FRMPD4: variants seen among roughly 807,000 people sequenced by gnomAD.
FRMPD4 encodes the protein FERM and PDZ domain containing 4.
FRMPD4 carries 22 observed loss-of-function variants against 94.1 expected under a neutral mutation model. That is an observed-to-expected ratio of 0.23 (90% CI 0.17 to 0.33). FRMPD4 has a LOEUF of 0.33. Among genes scored for constraint, FRMPD4 ranks in the 10% least tolerant of loss-of-function variants. The pLI, the probability that FRMPD4 is intolerant of heterozygous loss-of-function variation, is 1.00. For synonymous variants in FRMPD4, 631 were observed against 548.6 expected, an observed-to-expected ratio of 1.15 and a Z score of -2.10; for missense variants, 1,111 against 1,339.9, an observed-to-expected ratio of 0.83 and a Z score of 2.67.
intron 3 of FRMPD4, among the ~76,000 whole-genome samples, chrX:11,888,401 A>C (rs2053857396): frequency 8.9e-6 from 1 of 112,332 alleles, no homozygotes; most frequent in Non-Finnish European, 1.9e-5. Context: ...TTGTGTCTTC[A>C]CAATTTACTA....
chrX:12,482,043 T>C (rs2057693337), intron 1 of FRMPD4, among the ~76,000 whole-genome samples: 1 of 100,776 alleles, frequency 9.9e-6, no homozygotes, highest in Non-Finnish European at 2.0e-5. Context: ...TGAATCATCA[T>C]AAAATTCTTC....
chrX:12,212,477 G>GC (rs1251945173), intron 1 of FRMPD4, among the ~76,000 whole-genome samples: 1 of 111,406 alleles, frequency 9.0e-6, no homozygotes, highest in Non-Finnish European at 1.9e-5. Flanking sequence ...GGATGGCAGA[G>GC]CAACAAGCTA....
chrX:12,051,766 A>T (rs2054820191), intron 3 of FRMPD4, among the ~76,000 whole-genome samples: 1 of 110,877 alleles, frequency 9.0e-6, no homozygotes, highest in Non-Finnish European at 1.9e-5. Flanking sequence ...CCATCTGTTT[A>T]TTCAACCAAT....
In FRMPD4 at chrX:12,677,204, A is replaced by G. The variant is rs774695751; in HGVS notation, c.468+2296A>G. Among the ~76,000 whole-genome samples, 7 of 110,920 alleles carry G rather than the reference A, an allele frequency of 6.3e-5. No homozygotes were observed. The East Asian group carries it at 2.0e-3, about 31-fold the overall frequency. On this transcript the variant is annotated intron_variant, in intron 5 of 16. Transcript: ENST00000675598. Reference sequence around the variant, plus strand: ...TCCTCTCCCCAAGTTGTGACAAACCAAAATGTCTCCAAACATTACCAAATG... The same window carrying G: ...TCCTCTCCCCAAGTTGTGACAAACCGAAATGTCTCCAAACATTACCAAATG...
intron 3 of FRMPD4, among the ~76,000 whole-genome samples, chrX:11,981,743 A>G (rs2054398497): frequency 9.0e-6 from 1 of 111,222 alleles, no homozygotes; most frequent in South Asian, 3.7e-4. Context: ...GGAATGATAT[A>G]TTTTGTCCCC....
intron 1 of FRMPD4, among the ~76,000 whole-genome samples, chrX:12,366,565 C>T (rs1457025122): frequency 8.9e-6 from 1 of 112,227 alleles, no homozygotes; most frequent in Non-Finnish European, 1.9e-5. Flanking sequence ...TAGCAATTTT[C>T]ATGCATTTAT....
At chrX:12,686,271 A>G in intron 7 of FRMPD4, 67 bp downstream of exon 7, 1 of 515,368 alleles carries the variant, frequency 1.9e-6, no homozygotes, top group South Asian at 3.3e-5. Flanking sequence ...ACTGTGAGCC[A>G]TTGTAGCAGC....
intron 1 of FRMPD4, among the ~76,000 whole-genome samples, chrX:12,447,513 G>A (rs1479119496): frequency 6.2e-5 from 7 of 112,092 alleles, no homozygotes; most frequent in Non-Finnish European, 1.3e-4. Flanking sequence ...TGAATTTCAT[G>A]TAAGAACAGG....
chrX:12,227,130 A>G (rs1362169196), intron 1 of FRMPD4, among the ~76,000 whole-genome samples: 1 of 111,590 alleles, frequency 9.0e-6, no homozygotes, highest in African/African-American at 3.3e-5. Flanking sequence ...CAAAAGGGAA[A>G]GCGAGTGGCT....
intron 1 of FRMPD4, among the ~76,000 whole-genome samples, chrX:12,344,543 T>C (rs905624748): frequency 1.8e-5 from 2 of 112,049 alleles, no homozygotes; most frequent in Non-Finnish European, 3.8e-5. Context: ...TTATTCACCA[T>C]CATTAGGAAG....
chrX:12,429,860 G>A (rs906507818), intron 1 of FRMPD4, among the ~76,000 whole-genome samples: 31 of 111,795 alleles, frequency 2.8e-4, no homozygotes, highest in South Asian at 3.8e-4. Flanking sequence ...TTATAAAAGA[G>A]GCTTCAGGGA....
intron 2 of FRMPD4, among the ~76,000 whole-genome samples, chrX:12,514,723 T>C (rs1431045298): frequency 8.9e-6 from 1 of 112,179 alleles, no homozygotes; most frequent in Non-Finnish European, 1.9e-5. Flanking sequence ...GATGCTGGCC[T>C]CATAAAATGA....
At chrX:12,062,699 A>G (rs893485890) in intron 3 of FRMPD4, among the ~76,000 whole-genome samples, 4 of 111,399 alleles carry the variant, frequency 3.6e-5, no homozygotes, top group African/African-American at 1.3e-4. Flanking sequence ...GCTGTTGTCA[A>G]AAACTCTTTT....
chrX:11,991,037 T>C (rs1395228954), intron 3 of FRMPD4, among the ~76,000 whole-genome samples: 1 of 112,248 alleles, frequency 8.9e-6, no homozygotes, highest in Non-Finnish European at 1.9e-5. Context: ...TTATCTGTAG[T>C]TCCTTGCCAT....
intron 3 of FRMPD4, among the ~76,000 whole-genome samples, chrX:12,041,529 T>A (rs1013922578): frequency 5.0e-5 from 5 of 100,999 alleles, no homozygotes; most frequent in African/African-American, 1.9e-4. Flanking sequence ...GCTGTTGTAT[T>A]GTTGTGCCCG....
intron 1 of FRMPD4, among the ~76,000 whole-genome samples, chrX:12,361,934 T>G (rs2055995077): frequency 8.9e-6 from 1 of 111,845 alleles, no homozygotes; most frequent in Non-Finnish European, 1.9e-5. Context: ...TTCTTCTTTT[T>G]GGCCTACTAT....
intron 3 of FRMPD4, among the ~76,000 whole-genome samples, chrX:11,898,498 A>G (rs1232454052): frequency 8.9e-6 from 1 of 111,821 alleles, no homozygotes. Context: ...AGCATCACCT[A>G]GGAGGAGCCT....
intron 4 of FRMPD4, among the ~76,000 whole-genome samples, chrX:12,666,037 G>A (rs1269150216): frequency 1.8e-5 from 2 of 109,428 alleles, no homozygotes; most frequent in African/African-American, 6.7e-5. Context: ...CCCATCTCAT[G>A]TGCAAAGACA....
At chrX:12,136,500 G>A (rs1188745425), upstream of FRMPD4, among the ~76,000 whole-genome samples, 1 of 111,323 alleles carries the variant, frequency 9.0e-6, no homozygotes, top group Non-Finnish European at 1.9e-5. Context: ...CATTTTGGAA[G>A]TGGTATTGGT....
Sources: allele counts gnomAD v4.1 joint callset (sites outside exome capture counted in the v4.1 genomes callset), GRCh38; gene constraint gnomAD v4.1.1; transcripts MANE v1.5; gene names NCBI Gene and HGNC (gene_info 2026-07-23, HGNC 2026-07-21).